SLC35F3: variants seen among roughly 807,000 people sequenced by gnomAD.
SLC35F3 encodes solute carrier family 35 member F3.
In SLC35F3, 25 loss-of-function variants were observed where a neutral mutation model predicts 49.9. That is an observed-to-expected ratio of 0.50 (90% CI 0.37 to 0.70). The LOEUF (loss-of-function observed/expected upper bound fraction) is 0.70, where lower values mean the gene tolerates loss of function less well. SLC35F3 is among the 30% of genes least tolerant of loss of function. The pLI, the probability that SLC35F3 is intolerant of heterozygous loss-of-function variation, is 0.00. For synonymous variants in SLC35F3, 275 were observed against 265.4 expected, an observed-to-expected ratio of 1.04 and a Z score of -0.35; for missense variants, 525 against 639.8, an observed-to-expected ratio of 0.82 and a Z score of 1.94.
chr1:233,938,955 G>A (rs1662378294), intron 2 of SLC35F3, among the ~76,000 whole-genome samples: 2 of 152,174 alleles, frequency 1.3e-5, no homozygotes, highest in African/African-American at 4.8e-5. Context: ...ACTATTAGTA[G>A]ATTACTGGGT....
rs182580476 is a variant in SLC35F3 at position 234,065,216 on chromosome 1, G to A, written c.283+159458G>A. Among the ~76,000 whole-genome samples, 23 of 151,948 alleles carry A rather than the reference G, an allele frequency of 1.5e-4. 1 individual carries two copies. The East Asian group carries it at 3.9e-3, about 26-fold the overall frequency. On this transcript the variant is annotated intron_variant, in intron 2 of 7. Transcript: ENST00000366618. ...GACTGGAGTGCAGTAGCACAATCTC[G>A]GCTTACTGCAACTTCGGCCTCCTGG... is the stretch of plus-strand genomic sequence containing the variant.
chr1:234,193,253 C>A (rs1666756187), intron 2 of SLC35F3, among the ~76,000 whole-genome samples: 1 of 152,132 alleles, frequency 6.6e-6, no homozygotes, highest in Non-Finnish European at 1.5e-5. Context: ...GGCACATAGA[C>A]CAACGGAACA....
intron 3 of SLC35F3, among the ~76,000 whole-genome samples, chr1:234,262,056 A>G (rs1454865427): frequency 6.6e-6 from 1 of 152,208 alleles, no homozygotes; most frequent in African/African-American, 2.4e-5. Context: ...CATCTCAACA[A>G]ATATTTACTG....
At chr1:234,219,599 A>G (rs1667172148) in intron 2 of SLC35F3, among the ~76,000 whole-genome samples, 1 of 152,218 alleles carries the variant, frequency 6.6e-6, no homozygotes, top group Non-Finnish European at 1.5e-5. Flanking sequence ...GAAGAAGTAT[A>G]AAGTAAATGT....
chr1:233,950,262 T>C (rs1662581191), intron 2 of SLC35F3, among the ~76,000 whole-genome samples: 1 of 151,518 alleles, frequency 6.6e-6, no homozygotes, highest in Non-Finnish European at 1.5e-5. Flanking sequence ...GGCAGGTGCC[T>C]GTAGTCCCAG....
intron 4 of SLC35F3, among the ~76,000 whole-genome samples, chr1:234,312,462 G>A (rs1044940046): frequency 4.6e-5 from 7 of 152,206 alleles, no homozygotes; most frequent in Admixed American, 4.6e-4. Context: ...TGTTTCAAAA[G>A]GGGCCATCCA....
chr1:234,128,847 G>A (rs955763382), intron 2 of SLC35F3, among the ~76,000 whole-genome samples: 5 of 152,126 alleles, frequency 3.3e-5, no homozygotes, highest in Non-Finnish European at 5.9e-5. Flanking sequence ...TCGGAAAATC[G>A]GGGACACCGC....
At chr1:234,318,615 C>A in intron 5 of SLC35F3, 136 bp from the exon 6 acceptor site, 3 of 714,558 alleles carry the variant, frequency 4.2e-6, no homozygotes, top group Non-Finnish European at 2.4e-6. Flanking sequence ...CAGGCCAAAC[C>A]CCATGGAATT....
chr1:234,165,625 A>G (rs956900679), intron 2 of SLC35F3, among the ~76,000 whole-genome samples: 7 of 152,178 alleles, frequency 4.6e-5, no homozygotes, highest in African/African-American at 1.7e-4. Context: ...GGCTCAAGCC[A>G]TCCTCCCACC....
At chr1:233,922,343 G>A (rs1446189906) in intron 2 of SLC35F3, among the ~76,000 whole-genome samples, 3 of 152,148 alleles carry the variant, frequency 2.0e-5, no homozygotes, top group Admixed American at 6.5e-5. Context: ...TCTAACTGGT[G>A]TGAGATGGTA....
At chr1:234,150,760 T>C (rs1381018263) in intron 2 of SLC35F3, among the ~76,000 whole-genome samples, 1 of 152,112 alleles carries the variant, frequency 6.6e-6, no homozygotes, top group East Asian at 1.9e-4. Context: ...CAGGAACATT[T>C]GTAACAAAAC....
chr1:234,077,282 G>C (rs2102870913), intron 2 of SLC35F3, among the ~76,000 whole-genome samples: 1 of 152,264 alleles, frequency 6.6e-6, no homozygotes, highest in South Asian at 2.1e-4. Context: ...GGGATTACAG[G>C]CGTGAGCCAC....
chr1:234,151,953 G>A (rs184724662), intron 2 of SLC35F3, among the ~76,000 whole-genome samples: 11 of 151,416 alleles, frequency 7.3e-5, no homozygotes, highest in East Asian at 5.9e-4. Context: ...ATGGTTGATC[G>A]TTTTGCCCAC....
chr1:233,984,382 A>C (rs1558196880), intron 2 of SLC35F3, among the ~76,000 whole-genome samples: 1 of 152,226 alleles, frequency 6.6e-6, no homozygotes, highest in Non-Finnish European at 1.5e-5. Flanking sequence ...CAAAGCGCCA[A>C]GCAAGGAGGA....
chr1:234,174,686 G>T (rs918267382), intron 2 of SLC35F3, among the ~76,000 whole-genome samples: 3 of 152,208 alleles, frequency 2.0e-5, no homozygotes, highest in Non-Finnish European at 4.4e-5. Flanking sequence ...CAGAGATCCG[G>T]CAGAAAGCAC....
At chr1:233,932,330 G>T (rs1286343825) in intron 2 of SLC35F3, among the ~76,000 whole-genome samples, 1 of 152,114 alleles carries the variant, frequency 6.6e-6, no homozygotes, top group Non-Finnish European at 1.5e-5. Flanking sequence ...TGTCTCAGGG[G>T]TGGCAGAGGC....
chr1:234,056,574 G>C (rs1051966156), intron 2 of SLC35F3, among the ~76,000 whole-genome samples: 3 of 152,130 alleles, frequency 2.0e-5, no homozygotes, highest in Non-Finnish European at 4.4e-5. Context: ...TCTGTCTATA[G>C]ATGTGCCTAT....
chr1:234,202,732 A>C (rs667146), intron 2 of SLC35F3, among the ~76,000 whole-genome samples: 1 of 152,238 alleles, frequency 6.6e-6, no homozygotes, highest in Non-Finnish European at 1.5e-5. Context: ...TGGCCTGTGC[A>C]CCTGTCTAAG....
At chr1:234,093,560 A>G (rs536230676) in intron 2 of SLC35F3, among the ~76,000 whole-genome samples, 65 of 152,312 alleles carry the variant, frequency 4.3e-4, no homozygotes, top group Non-Finnish European at 7.8e-4. Flanking sequence ...TTCAAGTCCA[A>G]CTGGACATGC....
Sources: allele counts gnomAD v4.1 joint callset (sites outside exome capture counted in the v4.1 genomes callset), GRCh38; gene constraint gnomAD v4.1.1; transcripts MANE v1.5; gene names NCBI Gene and HGNC (gene_info 2026-07-23, HGNC 2026-07-21).